Variants in TOP1MT observed in about 807,000 individuals in gnomAD.
The protein encoded by TOP1MT is DNA topoisomerase I, mitochondrial.
Under a neutral mutation model 73.9 loss-of-function variants are expected in TOP1MT, and 80 were observed. The observed-to-expected ratio is 1.08, with a 90% CI of 0.90 to 1.30. The LOEUF (loss-of-function observed/expected upper bound fraction) is 1.30. TOP1MT is among the 50% of genes most tolerant of loss of function. TOP1MT has a pLI of 0.00. For missense variants in TOP1MT, 815 were observed against 808.0 expected (o/e 1.01, Z -0.10); for synonymous variants, 338 against 326.4 (o/e 1.04, Z -0.38).
chr8:143,330,985 C>T (rs1012596336), intron 2 of TOP1MT, among the ~76,000 whole-genome samples: 4 of 152,158 alleles, frequency 2.6e-5, no homozygotes, highest in Non-Finnish European at 5.9e-5. Flanking sequence ...CTGGACACAA[C>T]AGGCACAGCC....
upstream of TOP1MT, among the ~76,000 whole-genome samples, chr8:143,349,311 CCCCCCTG>C (rs1234537218): frequency 7.3e-6 from 1 of 137,144 alleles, no homozygotes; most frequent in Non-Finnish European, 1.6e-5. Flanking sequence ...CCCCCTCCCA[CCCCCCTG>C]CCCCCTGCAA....
intron 7 of TOP1MT, among the ~76,000 whole-genome samples, chr8:143,323,289 C>G (rs1220437015): frequency 1.5e-5 from 2 of 135,172 alleles, no homozygotes; most frequent in African/African-American, 2.9e-5. Flanking sequence ...GCACGCCACA[C>G]ACGCACGCCA....
intron 1 of TOP1MT, among the ~76,000 whole-genome samples, chr8:143,352,716 T>C (rs1246076072): frequency 6.6e-6 from 1 of 152,188 alleles, no homozygotes; most frequent in Non-Finnish European, 1.5e-5. Flanking sequence ...AGCCTTGAAC[T>C]CCCAGGCTCC....
In TOP1MT at chr8:143,309,529, C is replaced by G. The variant is rs1194292648; in HGVS notation, c.1718G>C (p.Arg573Thr). The G allele has an allele frequency of 3.7e-6, 6 of 1,613,822 alleles. No individual in the cohort carries two copies. The African/African-American group carries it at 6.7e-5, about 18-fold the overall frequency. Residue 573 changes from arginine (R) to threonine (T), a missense_variant, in exon 14 of 14, where the codon AGG becomes ACG. Physicochemically the swap from Arg to Thr is moderately conservative, Grantham distance 71. This residue lies in a region of TOP1MT where 751 missense variants were observed against 725.4 expected (regional missense o/e 1.04). Transcript: ENST00000329245. ...RISIAWCKRFRVPVEKIYSKT... is the reference protein window; with the variant it reads ...RISIAWCKRFTVPVEKIYSKT... Reference sequence around the variant, plus strand: ...GCTGTAGATCTTCTCCACTGGCACCCTGAACCGCTTGCACCTGCGGGAGGC... The same window carrying G: ...GCTGTAGATCTTCTCCACTGGCACCGTGAACCGCTTGCACCTGCGGGAGGC...
chr8:143,359,231 G>A (rs570234712), upstream of TOP1MT: 11 of 984,646 alleles, frequency 1.1e-5, no homozygotes, highest in African/African-American at 3.5e-5. Flanking sequence ...CTTTAGATGC[G>A]CCAGACCAAA....
At chr8:143,352,350 C>T (rs576847932) in intron 1 of TOP1MT, among the ~76,000 whole-genome samples, 1 of 152,142 alleles carries the variant, frequency 6.6e-6, no homozygotes, top group East Asian at 1.9e-4. Flanking sequence ...ACGCAGAGAC[C>T]GGTGGGTTCA....
At chr8:143,326,086 T>G in intron 4 of TOP1MT, 136 bp downstream of exon 4, 1 of 1,020,774 alleles carries the variant, frequency 9.8e-7, no homozygotes, top group South Asian at 1.7e-5. Flanking sequence ...GCAGGGGCGC[T>G]AAGGCTGACG....
intron 10 of TOP1MT, 48 bp from the exon 11 acceptor site, chr8:143,316,174 CT>C (rs778973872): frequency 6.2e-7 from 1 of 1,612,718 alleles, no homozygotes; most frequent in Non-Finnish European, 8.5e-7. Context: ...GCCGGCCACC[CT>C]CCCTGTCTGC....
chr8:143,323,070 CACACGCACGCCACACACAGGCATGCCAA>C (rs1816559906), intron 7 of TOP1MT, among the ~76,000 whole-genome samples: 1 of 140,630 alleles, frequency 7.1e-6, no homozygotes, highest in African/African-American at 2.7e-5. Context: ...AGGCACACCA[CACACGCACGCCACACACAGGCATGCCAA>C]ACACGCACGC....
At chr8:143,314,551 G>C (rs1040949272) in intron 12 of TOP1MT, among the ~76,000 whole-genome samples, 1 of 143,230 alleles carries the variant, frequency 7.0e-6, no homozygotes, top group Non-Finnish European at 1.5e-5. Context: ...CTGAGACCGC[G>C]CCAGCGCACT....
rs758260106 is a variant in TOP1MT, at chr8:143,324,157, T to A, written c.817-15A>T. 1 of 1,612,196 alleles carries A rather than the reference T, an allele frequency of 6.2e-7. No homozygotes were observed. The highest frequency in any genetic ancestry group is 8.5e-7 in the Non-Finnish European group (1 of 1,179,448). On this transcript the variant is annotated splice_polypyrimidine_tract_variant and intron_variant, in intron 6 of 13. Coordinates refer to ENST00000329245, the MANE Select transcript of TOP1MT (RefSeq NM_052963.3). Reference sequence around the variant, plus strand: ...GCTGTCTCCCCCTAAACGAAGAAAATAACAGGAAAGAAAACATTCACATTC... The same window carrying A: ...GCTGTCTCCCCCTAAACGAAGAAAAAAACAGGAAAGAAAACATTCACATTC...
intron 3 of TOP1MT, among the ~76,000 whole-genome samples, chr8:143,328,531 C>T (rs1431369009): frequency 2.6e-5 from 4 of 152,372 alleles, no homozygotes; most frequent in East Asian, 1.9e-4. Flanking sequence ...CTCGCACCCG[C>T]GGCAGGCGTG....
intron 1 of TOP1MT, chr8:143,332,525 G>A (rs1816885877): frequency 7.8e-7 from 1 of 1,289,442 alleles, no homozygotes; most frequent in Middle Eastern, 2.1e-4. Context: ...CCCCAGCCAG[G>A]TAGTGCTGTT....
At position 143,325,446 on chromosome 8, in the gene TOP1MT, T is replaced by C. The variant is rs1244181264; in HGVS notation, c.571A>G (p.Ile191Val). 6.2e-7 allele frequency: 1 copy of C among 1,613,546 alleles called. No homozygotes were observed. The highest frequency in any genetic ancestry group is 1.1e-5 in the South Asian group (1 of 91,080). The change falls in exon 5 of 14, where the codon ATT becomes GTT. Residue 191 changes from isoleucine (I) to valine (V), a missense_variant. By Grantham distance (29) the Ile-to-Val change is conservative. This residue lies in a region of TOP1MT where 751 missense variants were observed against 725.4 expected (regional missense o/e 1.04). Coordinates refer to ENST00000329245, the MANE Select transcript of TOP1MT (RefSeq NM_052963.3). ...CCACGGAACAAGCCAGGCGGCTCAA[T>C]CTTGAAGTTGCCTATTTTTTCTTGG... ...GHQEKIGNFKIEPPGLFRGRG... is the reference protein window; with the variant it reads ...GHQEKIGNFKVEPPGLFRGRG...
chr8:143,324,654 A>G (rs764372882), intron 5 of TOP1MT, 25 bp from the exon 6 acceptor site: 1 of 1,609,658 alleles, frequency 6.2e-7, no homozygotes, highest in Non-Finnish European at 8.5e-7. Context: ...CGACCCAAAC[A>G]TAACTTGGAG....
chr8:143,334,884 G>A (rs751492614), upstream of TOP1MT: 7 of 1,445,056 alleles, frequency 4.8e-6, no homozygotes, highest in Non-Finnish European at 6.3e-6. Flanking sequence ...GGGAAAGAGC[G>A]ACAAGCTGGG....
At chr8:143,355,511 G>A (rs1178426004) in intron 1 of TOP1MT, 1 of 152,270 alleles carries the variant, frequency 6.6e-6, no homozygotes, top group Non-Finnish European at 1.5e-5. Flanking sequence ...GGGAGAGAAA[G>A]GTGAGTGAGG....
At chr8:143,332,902 G>C (rs1289366010) in intron 1 of TOP1MT, among the ~76,000 whole-genome samples, 2 of 152,110 alleles carry the variant, frequency 1.3e-5, no homozygotes, top group Non-Finnish European at 2.9e-5. Context: ...GGGAGACTCG[G>C]GGAGAGGGGG....
chr8:143,350,872 C>T (rs1817308266), intron 1 of TOP1MT, among the ~76,000 whole-genome samples: 1 of 152,164 alleles, frequency 6.6e-6, no homozygotes, highest in African/African-American at 2.4e-5. Flanking sequence ...TAAGCACTCC[C>T]CACCGACAGA....
Sources: gnomAD v4.1 joint callset for allele counts (sites outside exome capture counted in the v4.1 genomes callset) on GRCh38, gnomAD v4.1.1 for gene constraint, gnomAD v4.1.1 regional missense constraint, MANE v1.5 for transcripts, NCBI Gene and HGNC (gene_info 2026-07-23, HGNC 2026-07-21) for gene names.